PVT1: variants seen among roughly 807,000 people sequenced by gnomAD.
The protein encoded by PVT1 is Pvt1 oncogene.
chr8:127,943,183 C>A (rs117021087), intron 3 of PVT1, among the ~76,000 whole-genome samples: 2,685 of 152,260 alleles, frequency 0.018, 40 homozygotes, highest in South Asian at 0.037. Context: ...CGTTGATGCC[C>A]TCCCCAGATC....
intron 4 of PVT1, among the ~76,000 whole-genome samples, chr8:128,017,854 G>A (rs1025172383): frequency 6.6e-6 from 1 of 152,274 alleles, no homozygotes; most frequent in South Asian, 2.1e-4. Flanking sequence ...CACTCCTTGT[G>A]TCGGGGGTGA....
chr8:127,831,040 A>G (rs1323491233), intron 2 of PVT1, among the ~76,000 whole-genome samples: 1 of 128,234 alleles, frequency 7.8e-6, no homozygotes, highest in Non-Finnish European at 1.7e-5. Context: ...CTTTATATAC[A>G]TACGTGTGTG....
intron 4 of PVT1, among the ~76,000 whole-genome samples, chr8:128,052,531 T>C (rs945112817): frequency 1.3e-5 from 2 of 152,216 alleles, no homozygotes; most frequent in African/African-American, 4.8e-5. Flanking sequence ...TCATGGGTGG[T>C]TGTTCAAATT....
chr8:127,991,210 T>C (rs943698066), intron 4 of PVT1, among the ~76,000 whole-genome samples: 9 of 144,810 alleles, frequency 6.2e-5, no homozygotes, highest in Non-Finnish European at 1.0e-4. Context: ...TGGCGCAATC[T>C]CGGCTCACTG....
intron 2 of PVT1, among the ~76,000 whole-genome samples, chr8:127,806,834 A>G (rs1814534670): frequency 6.6e-6 from 1 of 152,122 alleles, no homozygotes; most frequent in South Asian, 2.1e-4. Flanking sequence ...ACCTGGCATA[A>G]TGCATTCGGG....
rs149399449 is a variant in PVT1 at position 128,028,754 on chromosome 8, A to C, written n.912+39463A>C. Among the ~76,000 whole-genome samples the C allele has an allele frequency of 1.9e-4, 29 of 152,274 alleles. No individual in the cohort carries two copies. In the East Asian group the frequency reaches 4.4e-3, roughly 23 times the overall value. On this transcript the variant is annotated intron_variant and non_coding_transcript_variant, in intron 4 of 10. Coordinates refer to ENST00000651587, the Ensembl canonical transcript of PVT1. ...GGGGAGCACTGTTAATATGTGGGGG[A>C]TCATCATTCTAGTAGCTGAGGAGCA...
chr8:127,998,823 C>CCTTT (rs1817139606), intron 4 of PVT1, among the ~76,000 whole-genome samples: 1 of 54,190 alleles, frequency 1.8e-5, no homozygotes, highest in South Asian at 9.2e-4. Flanking sequence ...TCCTCCCCTT[C>CCTTT]CTTCCTTCCT....
rs1333826803 is a variant in PVT1, at chr8:127,898,642, A to G, written n.782+7644A>G. Among the ~76,000 whole-genome samples the G allele has an allele frequency of 1.3e-5, 2 of 152,184 alleles. No homozygotes were observed. On this transcript the variant is annotated intron_variant and non_coding_transcript_variant, in intron 3 of 10. Coordinates refer to ENST00000651587, the Ensembl canonical transcript of PVT1. This position sits in a 1 kb window ranked among gnomAD's most constrained non-coding sequence, Gnocchi z 4.4. ...TGGGCCTCAGGGTGGCCTTGGCTGG[A>G]ACCTGTATTCCAGTGGCCCTGGTGG...
chr8:127,862,972 T>G (rs1179477606), intron 2 of PVT1, among the ~76,000 whole-genome samples: 1 of 152,170 alleles, frequency 6.6e-6, no homozygotes, highest in Non-Finnish European at 1.5e-5. Context: ...GACACCTCCA[T>G]TTCTATGGGG....
At chr8:127,990,110 C>G (rs1248624378) in intron 4 of PVT1, among the ~76,000 whole-genome samples, 1 of 152,206 alleles carries the variant, frequency 6.6e-6, no homozygotes, top group Non-Finnish European at 1.5e-5. Flanking sequence ...GTCCCCCCAG[C>G]CTTTCACCTA....
intron 4 of PVT1, among the ~76,000 whole-genome samples, chr8:128,049,630 G>C (rs1360053079): frequency 6.6e-6 from 1 of 152,152 alleles, no homozygotes; most frequent in Non-Finnish European, 1.5e-5. Flanking sequence ...TGCAACACAG[G>C]GCTGCCATGC....
At chr8:127,986,883 G>T (rs1182105856) in intron 3 of PVT1, among the ~76,000 whole-genome samples, 1 of 152,166 alleles carries the variant, frequency 6.6e-6, no homozygotes, top group Non-Finnish European at 1.5e-5. Context: ...TTGGAAAGAG[G>T]TTCTTTTTTC....
At chr8:127,880,446 C>T (rs368273698) in intron 2 of PVT1, among the ~76,000 whole-genome samples, 1 of 148,822 alleles carries the variant, frequency 6.7e-6, no homozygotes. Flanking sequence ...CTCGCCACCA[C>T]GCCCGGCTAA....
chr8:127,991,963 C>G (rs1817046903), intron 4 of PVT1, among the ~76,000 whole-genome samples: 1 of 152,012 alleles, frequency 6.6e-6, no homozygotes, highest in Non-Finnish European at 1.5e-5. Context: ...AGCAAAGGCA[C>G]CAGGAACACG....
chr8:128,046,372 G>A (rs1376584882), intron 4 of PVT1, among the ~76,000 whole-genome samples: 1 of 152,246 alleles, frequency 6.6e-6, no homozygotes, highest in African/African-American at 2.4e-5. Context: ...GGGTCGGTCA[G>A]TAACTTGTTC....
chr8:127,833,900 T>G (rs889406145), intron 2 of PVT1, among the ~76,000 whole-genome samples: 1 of 152,206 alleles, frequency 6.6e-6, no homozygotes, highest in Non-Finnish European at 1.5e-5. Context: ...CAGAAGGGCT[T>G]GTTGAAACCC....
At chr8:128,009,639 A>G (rs750651934) in intron 4 of PVT1, 5 of 152,262 alleles carry the variant, frequency 3.3e-5, no homozygotes, top group Non-Finnish European at 7.3e-5. Context: ...AACACTTGAT[A>G]TACCCAATAA....
intron 2 of PVT1, among the ~76,000 whole-genome samples, chr8:127,839,138 T>C (rs1814944194): frequency 6.6e-6 from 1 of 152,194 alleles, no homozygotes; most frequent in Admixed American, 6.5e-5. Flanking sequence ...GCCGCATTTC[T>C]CAGAATGTAT....
intron 4 of PVT1, among the ~76,000 whole-genome samples, chr8:127,995,132 C>T (rs1174010737): frequency 1.3e-5 from 2 of 152,214 alleles, no homozygotes; most frequent in East Asian, 3.8e-4. Flanking sequence ...GTTTGATTGA[C>T]TTGGCCCAAA....
Sources: allele counts gnomAD v4.1 joint callset (sites outside exome capture counted in the v4.1 genomes callset), GRCh38; gene constraint gnomAD v4.1.1; non-coding constraint Gnocchi (gnomAD v3.1); transcripts MANE v1.5; gene names NCBI Gene and HGNC (gene_info 2026-07-23, HGNC 2026-07-21).